The following CADM2 variants were observed in gnomAD, a reference collection of about 807,000 sequenced individuals.
CADM2 encodes cell adhesion molecule 2.
CADM2 carries 12 observed loss-of-function variants against 49.8 expected under a neutral mutation model. The ratio of observed to expected loss-of-function variants is 0.24; its 90% CI spans 0.15 to 0.39. The LOEUF is 0.39. CADM2 is among the 10% of genes least tolerant of loss of function. The probability of loss-of-function intolerance (pLI) is 1.00; values close to 1 mark genes in which losing one functional copy is unlikely to be tolerated. For synonymous variants in CADM2, 214 were observed against 175.4 expected (o/e 1.22, Z -1.74); for missense variants, 378 against 492.3 (o/e 0.77, Z 2.20).
chr3:85,752,866 A>T (rs997577001), intron 2 of CADM2, among the ~76,000 whole-genome samples: 8 of 152,198 alleles, frequency 5.3e-5, no homozygotes, highest in African/African-American at 1.4e-4. Flanking sequence ...AATCCAAAAA[A>T]CATTGGCCAA....
chr3:84,974,616 A>C (rs889094078), intron 1 of CADM2, among the ~76,000 whole-genome samples: 11 of 151,964 alleles, frequency 7.2e-5, no homozygotes, highest in African/African-American at 2.4e-4. Context: ...ATACTCTCAT[A>C]CAAGAAGTGC....
intron 1 of CADM2, among the ~76,000 whole-genome samples, chr3:85,547,524 C>T (rs1301659497): frequency 1.3e-5 from 2 of 152,108 alleles, no homozygotes; most frequent in Non-Finnish European, 2.9e-5. Flanking sequence ...CAGTCAGAAA[C>T]CCTAGCTTCT....
chr3:85,439,155 CTT>C (rs373522509), intron 1 of CADM2, among the ~76,000 whole-genome samples: 24,352 of 140,774 alleles, frequency 0.17, 2,463 homozygotes, highest in Non-Finnish European at 0.23. Flanking sequence ...CTTATAATGA[CTT>C]TTTTTTTTTT....
At chr3:85,577,652 G>GT (rs998516534) in intron 1 of CADM2, among the ~76,000 whole-genome samples, 1 of 151,648 alleles carries the variant, frequency 6.6e-6, no homozygotes, top group African/African-American at 2.4e-5. Flanking sequence ...TTAATATTTT[G>GT]TTTTTTTCCA....
chr3:85,481,532 A>G (rs1261080017), intron 1 of CADM2, among the ~76,000 whole-genome samples: 1 of 151,758 alleles, frequency 6.6e-6, no homozygotes, highest in Non-Finnish European at 1.5e-5. Context: ...TTCATTAACA[A>G]GTCAGAAAGG....
At chr3:85,595,873 T>C (rs1386833927) in intron 1 of CADM2, among the ~76,000 whole-genome samples, 1 of 151,918 alleles carries the variant, frequency 6.6e-6, no homozygotes, top group Non-Finnish European at 1.5e-5. Flanking sequence ...CTTTGATTGA[T>C]AAAAATAATT....
chr3:85,940,164 C>CAAAAAAAAA (rs10527231), intron 7 of CADM2, among the ~76,000 whole-genome samples: 2 of 52,146 alleles, frequency 3.8e-5, no homozygotes, highest in Non-Finnish European at 7.8e-5. Context: ...ACTAAAAATA[C>CAAAAAAAAA]AAAAAAAAAA....
At chr3:85,841,209 C>T (rs1047492028) in intron 3 of CADM2, among the ~76,000 whole-genome samples, 9 of 151,664 alleles carry the variant, frequency 5.9e-5, no homozygotes, top group Admixed American at 2.6e-4. Flanking sequence ...TTGAATATTA[C>T]GGGTAATGGT....
At chr3:85,685,159 A>G (rs1011312127) in intron 1 of CADM2, among the ~76,000 whole-genome samples, 2 of 152,116 alleles carry the variant, frequency 1.3e-5, no homozygotes, top group African/African-American at 4.8e-5. Context: ...GGGACCAGCC[A>G]CACCCCAGAA....
intron 5 of CADM2, among the ~76,000 whole-genome samples, chr3:85,908,933 C>G (rs1357960663): frequency 6.6e-6 from 1 of 152,006 alleles, no homozygotes; most frequent in Non-Finnish European, 1.5e-5. Flanking sequence ...AGCATGTTAG[C>G]CAGGATGGTC....
chr3:85,696,589 A>G (rs1166852182), intron 1 of CADM2, among the ~76,000 whole-genome samples: 2 of 152,012 alleles, frequency 1.3e-5, no homozygotes, highest in Non-Finnish European at 2.9e-5. Flanking sequence ...AATATTTGTT[A>G]GATACATGTA....
At chr3:85,469,158 T>C (rs902212380) in intron 1 of CADM2, among the ~76,000 whole-genome samples, 1 of 152,156 alleles carries the variant, frequency 6.6e-6, no homozygotes, top group East Asian at 1.9e-4. Context: ...CTGCTAAACA[T>C]GGAATATGAG....
intron 8 of CADM2, among the ~76,000 whole-genome samples, chr3:85,984,956 AG>A (rs1559783246): frequency 2.0e-5 from 3 of 152,000 alleles, no homozygotes; most frequent in African/African-American, 7.2e-5. Context: ...AGGAAAAAAA[AG>A]GATTTTTTTA....
intron 1 of CADM2, among the ~76,000 whole-genome samples, chr3:85,070,546 C>T (rs1321267037): frequency 1.3e-5 from 2 of 151,354 alleles, no homozygotes; most frequent in Non-Finnish European, 2.9e-5. Context: ...AAATTTATTT[C>T]TATGTGTGTA....
At position 86,068,271 on chromosome 3, in the gene CADM2, TA is replaced by T. The variant is rs1169122611; in HGVS notation, c.*1491del. On this transcript the variant is annotated 3_prime_UTR_variant, in exon 10 of 10. Transcript: ENST00000383699. ...TAACCATTAAGAAATGCTGTATTCT[TA>T]AATATGAAACAGTTAATCTAAAGTC... The T allele has an allele frequency of 6.6e-6, 1 of 152,336 alleles. No homozygotes were observed. Among genetic ancestry groups the T allele is most frequent in the Non-Finnish European group, 1.5e-5 (1 of 67,878 alleles). The allele number at this position is 152,336 out of a possible 1,614,324, so 9.4% of individuals were successfully genotyped here.
chr3:85,869,346 C>T (rs1463222118), intron 3 of CADM2, among the ~76,000 whole-genome samples: 1 of 151,900 alleles, frequency 6.6e-6, no homozygotes, highest in Non-Finnish European at 1.5e-5. Flanking sequence ...TAGTCAGCTT[C>T]GTTCCATTCA....
intron 2 of CADM2, among the ~76,000 whole-genome samples, chr3:85,770,292 C>T (rs1487805494): frequency 1.3e-5 from 2 of 152,024 alleles, no homozygotes; most frequent in African/African-American, 2.4e-5. Context: ...AAATGAAGCA[C>T]AGGTAATGAC....
At chr3:85,501,001 G>T (rs1191357619) in intron 1 of CADM2, among the ~76,000 whole-genome samples, 1 of 152,138 alleles carries the variant, frequency 6.6e-6, no homozygotes, top group Admixed American at 6.5e-5. Context: ...CATAGCCAAA[G>T]ATATTATTAA....
intron 1 of CADM2, among the ~76,000 whole-genome samples, chr3:85,410,559 T>C (rs2035609445): frequency 6.6e-6 from 1 of 152,168 alleles, no homozygotes; most frequent in African/African-American, 2.4e-5. Context: ...TTAAAAAGGA[T>C]TTGGCTTTAA....
Sources: gnomAD v4.1 joint callset for allele counts (sites outside exome capture counted in the v4.1 genomes callset) on GRCh38, gnomAD v4.1.1 for gene constraint, MANE v1.5 for transcripts, NCBI Gene and HGNC (gene_info 2026-07-23, HGNC 2026-07-21) for gene names.